XPO4: variants seen among roughly 807,000 people sequenced by gnomAD.
XPO4 encodes exportin-4.
XPO4 carries 39 observed loss-of-function variants against 143.0 expected under a neutral mutation model. The ratio of observed to expected loss-of-function variants is 0.27; its 90% confidence interval spans 0.21 to 0.36. XPO4 has a LOEUF of 0.36. Ranked by LOEUF, XPO4 falls within the 10% of genes least tolerant of loss-of-function variation. The pLI is 1.00. For synonymous variants in XPO4, 439 were observed against 474.0 expected (o/e 0.93, Z 0.96); for missense variants, 907 against 1,348.0 (o/e 0.67, Z 5.12).
chr13:20,861,117 T>C (rs1009904711), intron 3 of XPO4, among the ~76,000 whole-genome samples: 1 of 152,196 alleles, frequency 6.6e-6, no homozygotes, highest in Non-Finnish European at 1.5e-5. Context: ...CACACATTTC[T>C]GATTACATAA....
intron 9 of XPO4, 136 bp downstream of exon 9, chr13:20,821,568 C>T (rs1566584136): frequency 1.1e-6 from 1 of 929,176 alleles, no homozygotes; most frequent in Non-Finnish European, 1.5e-6. Context: ...AAATAATTTG[C>T]ACATCTAAAC....
At chr13:20,837,399 C>T (rs2059928786) in intron 6 of XPO4, among the ~76,000 whole-genome samples, 1 of 152,056 alleles carries the variant, frequency 6.6e-6, no homozygotes, top group Non-Finnish European at 1.5e-5. Flanking sequence ...TCTTTCTTCT[C>T]CTTTTTTTTT....
intron 4 of XPO4, chr13:20,851,037 G>C (rs1366043892): frequency 1.0e-5 from 10 of 985,034 alleles, no homozygotes; most frequent in African/African-American, 1.7e-5. Flanking sequence ...TCAATGTTCT[G>C]ATCAGTTATC....
At chr13:20,899,262 T>C (rs140031735) in intron 1 of XPO4, among the ~76,000 whole-genome samples, 34 of 151,706 alleles carry the variant, frequency 2.2e-4, no homozygotes, top group African/African-American at 7.5e-4. Flanking sequence ...AGATGTACCA[T>C]ATTTAGACAT....
rs1460741760 is a variant in XPO4 at position 20,809,853 on chromosome 13, C to T, written c.1288G>A (p.Val430Ile). 6.2e-7 allele frequency: 1 copy of T among 1,613,744 alleles called. No homozygotes were observed. Among genetic ancestry groups the T allele is most frequent in the African/African-American group, 1.3e-5 (1 of 74,932 alleles). Reference sequence around the variant, plus strand: ...TGAATATAGGAATTGAAAACTTGAACTGCATGTTGGGTAAAAAAGCCTTTA... The same window carrying T: ...TGAATATAGGAATTGAAAACTTGAATTGCATGTTGGGTAAAAAAGCCTTTA... Reference protein sequence around the residue: ...FHKGFFTQHAVQVFNSYIQCH... With the variant: ...FHKGFFTQHAIQVFNSYIQCH... Residue 430 changes from valine (V) to isoleucine (I), a missense_variant, in exon 10 of 23, where the codon GTT becomes ATT. By Grantham distance (29) the Val-to-Ile change is conservative. Transcript: ENST00000255305.
At chr13:20,850,131 G>T in intron 4 of XPO4, 1 of 984,934 alleles carries the variant, frequency 1.0e-6, no homozygotes. Flanking sequence ...CAAATGATTA[G>T]TTTCACTCAT....
intron 1 of XPO4, among the ~76,000 whole-genome samples, chr13:20,889,754 A>C (rs1317328873): frequency 6.6e-6 from 1 of 152,214 alleles, no homozygotes; most frequent in Non-Finnish European, 1.5e-5. Flanking sequence ...TGTTTTGCTG[A>C]AACGACATGT....
intron 5 of XPO4, 84 bp downstream of exon 5, chr13:20,843,682 AAAAT>A (rs1418778459): frequency 1.0e-6 from 1 of 952,600 alleles, no homozygotes; most frequent in Non-Finnish European, 1.6e-6. Flanking sequence ...TCAACTACAT[AAAAT>A]AAATATTCTC....
chr13:20,895,495 G>C (rs1359286555), intron 1 of XPO4, among the ~76,000 whole-genome samples: 3 of 151,988 alleles, frequency 2.0e-5, no homozygotes, highest in Non-Finnish European at 4.4e-5. Flanking sequence ...AGCTGGGTGT[G>C]GTGGTGCATG....
rs1349027604 is a variant in XPO4, at chr13:20,848,326, C to CT, written c.457-4441dup. On this transcript the variant is annotated intron_variant, in intron 4 of 22. Coordinates refer to ENST00000255305, the MANE Select transcript of XPO4 (RefSeq NM_022459.5). ...TTGAATCAGTTAGAAAATCTGGGCT[C>CT]TAACAGTCCAAGATTTCCTTCTTCA... 4 of 985,300 alleles carry CT rather than the reference C, an allele frequency of 4.1e-6. No homozygotes were observed. In the African/African-American group the frequency reaches 7.0e-5, roughly 17 times the overall value. The allele number at this position is 985,300 out of a possible 1,614,324, so 61.0% of individuals were successfully genotyped here.
At chr13:20,881,300 G>T (rs533874724) in intron 1 of XPO4, among the ~76,000 whole-genome samples, 1 of 151,350 alleles carries the variant, frequency 6.6e-6, no homozygotes, top group Non-Finnish European at 1.5e-5. Context: ...ACAGAGTCTC[G>T]CTCTGTCGCC....
Position 20,822,169 on chromosome 13 carries a change from C to T in XPO4, c.961G>A (p.Ala321Thr). The change falls in exon 8 of 23, where the codon GCA (alanine) becomes ACA (threonine). Residue 321 changes from alanine to threonine, a missense_variant. Ala to Thr is a moderately conservative substitution (Grantham distance 58). Transcript: ENST00000255305. ...TTCAGTAATCCCTCAATGAAGTGTG[C>T]TAGATAATCAACTTGTGATCCTTCA... is the stretch of plus-strand genomic sequence containing the variant. The part of the protein sequence containing the change: ...PDEGSQVDYL[A>T]HFIEGLLNTI... 6.2e-7 allele frequency: 1 copy of T among 1,613,920 alleles called. No homozygotes were observed. Among genetic ancestry groups the T allele is most frequent in the East Asian group, 2.2e-5 (1 of 44,862 alleles).
At chr13:20,857,406 C>T (rs1437998380) in intron 3 of XPO4, among the ~76,000 whole-genome samples, 1 of 152,134 alleles carries the variant, frequency 6.6e-6, no homozygotes, top group Non-Finnish European at 1.5e-5. Context: ...CCCCATGATA[C>T]TACTACTATT....
chr13:20,853,352 A>AAAAAAG (rs1555339706), intron 4 of XPO4, among the ~76,000 whole-genome samples: 6 of 150,810 alleles, frequency 4.0e-5, no homozygotes, highest in African/African-American at 1.5e-4. Flanking sequence ...AAAAAAAAAA[A>AAAAAAG]TAGCTTCCTA....
At chr13:20,817,298 AAGC>A (rs2059662154) in intron 9 of XPO4, among the ~76,000 whole-genome samples, 1 of 152,236 alleles carries the variant, frequency 6.6e-6, no homozygotes, top group African/African-American at 2.4e-5. Context: ...ATTACCCAAC[AAGC>A]CAGAGAAATT....
intron 7 of XPO4, 49 bp downstream of exon 7, chr13:20,827,018 T>C (rs1329696262): frequency 7.5e-7 from 1 of 1,341,602 alleles, no homozygotes; most frequent in South Asian, 1.2e-5. Flanking sequence ...GCCAAGGCAT[T>C]TCCTCTTTTC....
At chr13:20,856,212 C>T (rs575380192) in intron 3 of XPO4, 15 of 474,114 alleles carry the variant, frequency 3.2e-5, no homozygotes, top group Middle Eastern at 2.1e-3. Context: ...ATCTAACCTA[C>T]GTCTACAACT....
chr13:20,810,859 A>G (rs2059573125), intron 9 of XPO4, among the ~76,000 whole-genome samples: 1 of 152,226 alleles, frequency 6.6e-6, no homozygotes, highest in African/African-American at 2.4e-5. Context: ...CCTCTTTCCT[A>G]TTCTTTCTTC....
intron 6 of XPO4, among the ~76,000 whole-genome samples, chr13:20,838,170 G>A (rs916634352): frequency 2.6e-5 from 4 of 152,152 alleles, no homozygotes; most frequent in African/African-American, 9.7e-5. Flanking sequence ...TAGCATTAAT[G>A]CCCTTAAATA....
Sources: gnomAD v4.1 joint callset for allele counts (sites outside exome capture counted in the v4.1 genomes callset) on GRCh38, gnomAD v4.1.1 for gene constraint, MANE v1.5 for transcripts, NCBI Gene and HGNC (gene_info 2026-07-23, HGNC 2026-07-21) for gene names.